Variants in TAFA1 observed in about 807,000 individuals in gnomAD.
TAFA1 encodes chemokine-like protein TAFA-1.
In TAFA1, 4 loss-of-function variants were observed where a neutral mutation model predicts 18.5. The observed-to-expected ratio is 0.22, with a 90% CI of 0.11 to 0.49. The LOEUF is 0.49. TAFA1 is among the 20% of genes least tolerant of loss of function. The pLI, the probability that TAFA1 is intolerant of heterozygous loss-of-function variation, is 0.98. For missense variants in TAFA1, 147 were observed against 169.0 expected (o/e 0.87, Z 0.72); for synonymous variants, 56 against 55.2 (o/e 1.01, Z -0.06).
At chr3:68,512,195 T>A (rs1171905734) in intron 3 of TAFA1, among the ~76,000 whole-genome samples, 2 of 152,136 alleles carry the variant, frequency 1.3e-5, no homozygotes, top group Admixed American at 1.3e-4. Context: ...ACTAGACTTA[T>A]CGATTTACTT....
chr3:68,478,153 A>G (rs1179970571), intron 3 of TAFA1, among the ~76,000 whole-genome samples: 1 of 152,228 alleles, frequency 6.6e-6, no homozygotes, highest in Non-Finnish European at 1.5e-5. Flanking sequence ...AGGTAACAGC[A>G]GCAGCATTTA....
chr3:68,024,140 T>A (rs1304603987), intron 2 of TAFA1, among the ~76,000 whole-genome samples: 1 of 152,194 alleles, frequency 6.6e-6, no homozygotes, highest in African/African-American at 2.4e-5. Context: ...TTATCCTAAG[T>A]ATTTTTTATT....
chr3:68,370,506 A>ATATATATATATACG (rs1162156955), intron 2 of TAFA1, among the ~76,000 whole-genome samples: 3 of 75,076 alleles, frequency 4.0e-5, no homozygotes, highest in Non-Finnish European at 5.0e-5. Flanking sequence ...ATATATATAT[A>ATATATATATATACG]TATATATATA....
chr3:68,179,115 G>A (rs1221507393), intron 2 of TAFA1, among the ~76,000 whole-genome samples: 1 of 152,148 alleles, frequency 6.6e-6, no homozygotes, highest in Non-Finnish European at 1.5e-5. Context: ...CTACATAATT[G>A]CTATTTTGAA....
intron 3 of TAFA1, among the ~76,000 whole-genome samples, chr3:68,523,159 G>A (rs922185223): frequency 1.3e-5 from 2 of 152,218 alleles, no homozygotes; most frequent in African/African-American, 4.8e-5. Context: ...AGGGATGATA[G>A]GGAGTGGCAG....
intron 3 of TAFA1, among the ~76,000 whole-genome samples, chr3:68,524,429 A>G (rs116064028): frequency 6.6e-6 from 1 of 152,222 alleles, no homozygotes; most frequent in Non-Finnish European, 1.5e-5. Context: ...GCACAGAGGC[A>G]GGTGTAGAAG....
At chr3:68,135,698 C>T (rs534055233) in intron 2 of TAFA1, among the ~76,000 whole-genome samples, 1 of 152,282 alleles carries the variant, frequency 6.6e-6, no homozygotes, top group East Asian at 1.9e-4. Flanking sequence ...GAAGTTGATC[C>T]TTTAAGGATT....
intron 3 of TAFA1, among the ~76,000 whole-genome samples, chr3:68,536,614 G>C: frequency 6.6e-6 from 1 of 152,138 alleles, no homozygotes; most frequent in African/African-American, 2.4e-5. Flanking sequence ...GAAATGACTG[G>C]TGCTTGTGTA....
intron 3 of TAFA1, among the ~76,000 whole-genome samples, chr3:68,475,876 A>C (rs1218840150): frequency 6.6e-6 from 1 of 152,062 alleles, no homozygotes; most frequent in African/African-American, 2.4e-5. Context: ...ATGGTATCTC[A>C]TTGTGGTTTT....
intron 2 of TAFA1, among the ~76,000 whole-genome samples, chr3:68,348,400 T>G (rs1466895237): frequency 6.6e-6 from 1 of 152,182 alleles, no homozygotes; most frequent in Non-Finnish European, 1.5e-5. Flanking sequence ...ATACAATGTC[T>G]AACCTTTTCT....
intron 2 of TAFA1, among the ~76,000 whole-genome samples, chr3:68,342,395 G>C (rs373617972): frequency 1.3e-5 from 2 of 152,266 alleles, no homozygotes; most frequent in East Asian, 3.9e-4. Context: ...GCTCCGAAAG[G>C]CTGTGAACTT....
chr3:68,225,368 G>A (rs1046590273), intron 2 of TAFA1, among the ~76,000 whole-genome samples: 8 of 152,066 alleles, frequency 5.3e-5, no homozygotes, highest in Admixed American at 4.6e-4. Flanking sequence ...CTTTTATAGG[G>A]TCATCTATTT....
chr3:68,479,879 T>TAC (rs142114344), intron 3 of TAFA1, among the ~76,000 whole-genome samples: 5,508 of 150,322 alleles, frequency 0.037, 141 homozygotes, highest in Middle Eastern at 0.052. Context: ...TACACACGCA[T>TAC]ACACACACAC....
intron 2 of TAFA1, among the ~76,000 whole-genome samples, chr3:68,043,836 G>T (rs1444328677): frequency 6.6e-6 from 1 of 150,678 alleles, no homozygotes; most frequent in Non-Finnish European, 1.5e-5. Flanking sequence ...ATTCATTTCT[G>T]TTTTTTTTTA....
Position 68,271,267 on chromosome 3 carries a change from A to G in TAFA1, c.119-146013A>G, listed in dbSNP as rs180805029. The stretch of plus-strand genomic sequence containing the variant: ...ATTTTCCTCCAGGTCATTCATTCCA[A>G]CAAAACACCCAACTCCTGCTTCCCA... On this transcript the variant is annotated intron_variant, in intron 2 of 4. Coordinates refer to ENST00000478136, the MANE Select transcript of TAFA1 (RefSeq NM_213609.4). 1.8e-4 allele frequency among the ~76,000 whole-genome samples: 28 copies of G among 152,170 alleles called. No homozygotes were observed. In the South Asian group the frequency reaches 4.0e-3, roughly 21 times the overall value.
At chr3:68,466,538 G>A (rs1045819095) in intron 3 of TAFA1, among the ~76,000 whole-genome samples, 1 of 152,138 alleles carries the variant, frequency 6.6e-6, no homozygotes, top group Non-Finnish European at 1.5e-5. Flanking sequence ...ACCCCTTGAA[G>A]TACTCGGTCC....
chr3:68,366,705 T>C (rs913548541), intron 2 of TAFA1, among the ~76,000 whole-genome samples: 3 of 152,208 alleles, frequency 2.0e-5, no homozygotes, highest in Non-Finnish European at 4.4e-5. Flanking sequence ...TTTCTAAGCA[T>C]AAATTTTCTC....
intron 2 of TAFA1, among the ~76,000 whole-genome samples, chr3:68,142,260 A>G (rs2106904051): frequency 1.3e-5 from 2 of 152,342 alleles, no homozygotes; most frequent in Admixed American, 1.3e-4. Flanking sequence ...TCTATTGCAT[A>G]TGGGAAAAGT....
upstream of TAFA1, among the ~76,000 whole-genome samples, chr3:67,999,435 T>G (rs1044754146): frequency 6.6e-6 from 1 of 152,170 alleles, no homozygotes; most frequent in South Asian, 2.1e-4. Context: ...TCCCCTTTCT[T>G]AGGTCTTCAT....
Sources: allele counts gnomAD v4.1 joint callset (sites outside exome capture counted in the v4.1 genomes callset), GRCh38; gene constraint gnomAD v4.1.1; transcripts MANE v1.5; gene names NCBI Gene and HGNC (gene_info 2026-07-23, HGNC 2026-07-21).